Variants in WBP2NL observed in about 807,000 individuals in gnomAD.
The protein encoded by WBP2NL is postacrosomal sheath WW domain-binding protein.
A neutral mutation model predicts 23.3 loss-of-function variants in WBP2NL; 27 were observed. That is an observed-to-expected ratio of 1.16 (90% CI 0.85 to 1.60). WBP2NL has a LOEUF of 1.60. Ranked by LOEUF, WBP2NL falls within the 40% of genes most tolerant of loss-of-function variation. The probability of loss-of-function intolerance (pLI) is 0.00; values close to 1 mark genes in which losing one functional copy is unlikely to be tolerated. For missense variants in WBP2NL, 370 were observed against 389.5 expected, an observed-to-expected ratio of 0.95 and a Z score of 0.42; for synonymous variants, 151 against 145.9, an observed-to-expected ratio of 1.03 and a Z score of -0.25.
chr22:42,044,554 G>C (rs973434348), intron 8 of WBP2NL, among the ~76,000 whole-genome samples: 4 of 152,236 alleles, frequency 2.6e-5, no homozygotes, highest in African/African-American at 9.6e-5. Flanking sequence ...TGTAATCCCA[G>C]CATTTTGGGA....
chr22:42,050,804 A>G (rs1398888630), intron 8 of WBP2NL, among the ~76,000 whole-genome samples: 1 of 152,240 alleles, frequency 6.6e-6, no homozygotes, highest in Non-Finnish European at 1.5e-5. Context: ...AGATACTATT[A>G]TACACCTATT....
chr22:42,020,881 TATATATATATATATATATATATATA>T lies in WBP2NL; in HGVS notation c.406+786_406+810del, dbSNP rs1421707203. ...GTGTGTGTGTGTGTATATATATATA[TATATATATATATATATATATATATA>T]TATTTTTTTTTTTTTTTTTTTTTTT... On this transcript the variant is annotated intron_variant, in intron 4 of 5. Transcript: ENST00000328823. 8.1e-4 allele frequency among the ~76,000 whole-genome samples: 23 copies of T among 28,326 alleles called. 2 individuals are homozygous for T. The highest frequency in any genetic ancestry group is 2.9e-3 in the African/African-American group (15 of 5,230). 18.6% of individuals were successfully genotyped at this position (28,326 alleles called of 152,430 possible).
downstream of WBP2NL, chr22:42,030,985 G>T (rs1000483183): frequency 1.3e-5 from 2 of 152,198 alleles, no homozygotes; most frequent in African/African-American, 2.4e-5. Flanking sequence ...AGGTAGATTT[G>T]AGGTGGGGTC....
chr22:42,011,847 G>A (rs1922851244), intron 1 of WBP2NL, among the ~76,000 whole-genome samples: 1 of 151,542 alleles, frequency 6.6e-6, no homozygotes, highest in Non-Finnish European at 1.5e-5. Flanking sequence ...ATATTGGCTC[G>A]CTGCAACCTT....
intron 1 of WBP2NL, among the ~76,000 whole-genome samples, chr22:42,009,088 G>T (rs777875749): frequency 6.6e-6 from 1 of 152,024 alleles, no homozygotes; most frequent in Admixed American, 6.6e-5. Context: ...CAATTTTTTT[G>T]TATTTTTAGT....
Position 42,028,112 on chromosome 22 carries a change from T to C in WBP2NL, c.*931T>C, listed in dbSNP as rs147875216. 2.5e-6 allele frequency: 1 copy of C among 398,502 alleles called. No individual in the cohort carries two copies. The highest frequency in any genetic ancestry group is 3.6e-5 in the East Asian group (1 of 28,028). The allele number at this position is 398,502 out of a possible 1,614,324, so 24.7% of individuals were successfully genotyped here. A position where few individuals can be genotyped will look rare whatever the true frequency, so the allele number is the denominator to read the frequency against. On this transcript the variant is annotated 3_prime_UTR_variant, in exon 6 of 6. Transcript: ENST00000328823. ...TGGGAAGATTTCATTATATTCATTG[T>C]TTCTAACAGCACAAAATTAGAAATA...
At chr22:42,009,006 C>G (rs1168751585) in intron 1 of WBP2NL, among the ~76,000 whole-genome samples, 2 of 152,098 alleles carry the variant, frequency 1.3e-5, no homozygotes, top group Non-Finnish European at 2.9e-5. Context: ...GTCTCGATCT[C>G]CTGATCTTGT....
intron 1 of WBP2NL, among the ~76,000 whole-genome samples, chr22:42,008,003 T>G (rs1922412141): frequency 1.3e-5 from 2 of 152,146 alleles, no homozygotes; most frequent in African/African-American, 4.8e-5. Flanking sequence ...CAGCTACTCA[T>G]TTTACATTTC....
At chr22:42,054,734 A>G (rs1925969924) in intron 8 of WBP2NL, among the ~76,000 whole-genome samples, 1 of 150,438 alleles carries the variant, frequency 6.6e-6, no homozygotes, top group Admixed American at 6.6e-5. Flanking sequence ...AAAAAAAATC[A>G]ATTAACTGGC....
Position 41,998,899 on chromosome 22 carries a change from G to T in WBP2NL, c.62+19G>T. On this transcript the variant is annotated intron_variant, in intron 1 of 5. Transcript: ENST00000328823. ...GTGAAAGGTGCCTGAGGGGAAGCACGGCGTGCTGTCGGAGGAGAGGAGACG... is the reference window on the plus strand; with the variant it reads ...GTGAAAGGTGCCTGAGGGGAAGCACTGCGTGCTGTCGGAGGAGAGGAGACG... 1 of 1,604,668 alleles carries T rather than the reference G, an allele frequency of 6.2e-7. No individual in the cohort carries two copies. Among genetic ancestry groups the T allele is most frequent in the Non-Finnish European group, 8.5e-7 (1 of 1,173,860 alleles).
At chr22:42,003,896 G>T (rs1412918428) in intron 1 of WBP2NL, among the ~76,000 whole-genome samples, 2 of 152,210 alleles carry the variant, frequency 1.3e-5, no homozygotes, top group African/African-American at 2.4e-5. Flanking sequence ...TTGGGTGGAA[G>T]AATGGTGAAA....
chr22:42,015,649 T>G (rs939843853), intron 1 of WBP2NL, among the ~76,000 whole-genome samples: 9 of 152,116 alleles, frequency 5.9e-5, no homozygotes, highest in African/African-American at 1.9e-4. Context: ...GTGATCTGCC[T>G]GCCTCAGCCT....
chr22:42,019,484 A>G (rs768816398), intron 2 of WBP2NL, 65 bp downstream of exon 2: 17 of 1,572,564 alleles, frequency 1.1e-5, no homozygotes, highest in Non-Finnish European at 1.4e-5. Flanking sequence ...AAATGAAGAA[A>G]ACTTAAACAT....
At chr22:42,012,781 A>G (rs1922941806) in intron 1 of WBP2NL, among the ~76,000 whole-genome samples, 1 of 151,582 alleles carries the variant, frequency 6.6e-6, no homozygotes, top group African/African-American at 2.4e-5. Context: ...TCACGAGGTC[A>G]GAAGATGGAG....
intron 1 of WBP2NL, among the ~76,000 whole-genome samples, chr22:41,999,321 C>A (rs1258609001): frequency 6.6e-6 from 1 of 152,336 alleles, no homozygotes. Flanking sequence ...CCTCCTACTT[C>A]CACGAACAAG....
At position 42,027,475 on chromosome 22, in the gene WBP2NL, C is replaced by T. The variant is rs908737915; in HGVS notation, c.*294C>T. 1.1e-5 allele frequency: 4 copies of T among 368,486 alleles called. No homozygotes were observed. Among genetic ancestry groups the T allele is most frequent in the South Asian group, 8.9e-5 (1 of 11,298 alleles). 22.8% of individuals were successfully genotyped at this position (368,486 alleles called of 1,614,324 possible). On this transcript the variant is annotated 3_prime_UTR_variant, in exon 6 of 6. Coordinates refer to ENST00000328823, the MANE Select transcript of WBP2NL (RefSeq NM_152613.3). ...TTTTAAACATAACTTTTTCCACACT[C>T]GCATTCAAGGTTCCTGTCTTCCCAT...
chr22:42,027,032 G>C lies in WBP2NL; in HGVS notation c.781G>C (p.Ala261Pro). The C allele has an allele frequency of 6.2e-7, 1 of 1,614,108 alleles. No homozygotes were observed. The highest frequency in any genetic ancestry group is 8.5e-7 in the Non-Finnish European group (1 of 1,179,972). ...TGGAGCCCCACCTCTCGGATATGGA[G>C]CCCCACCTGCAGGAAATGAAGGCCC... Reference protein sequence around the residue: ...GYGAPPLGYGAPPAGNEGPPA... With the variant: ...GYGAPPLGYGPPPAGNEGPPA... The change falls in exon 6 of 6, where the codon GCC (alanine) becomes CCC (proline). Residue 261 changes from alanine (A) to proline (P), a missense_variant. By Grantham distance (27) the Ala-to-Pro change is conservative. Coordinates refer to ENST00000328823, the MANE Select transcript of WBP2NL (RefSeq NM_152613.3).
At chr22:42,032,498 G>T (rs1051958155), downstream of WBP2NL, 1 of 247,390 alleles carries the variant, frequency 4.0e-6, no homozygotes, top group African/African-American at 2.3e-5. Flanking sequence ...GTAATAGAAA[G>T]CCTTTGCCTT....
chr22:42,051,681 G>A (rs138852285), intron 8 of WBP2NL, among the ~76,000 whole-genome samples: 108 of 151,710 alleles, frequency 7.1e-4, no homozygotes, highest in Admixed American at 1.5e-3. Context: ...GCTGGGGTCA[G>A]GGGAGGGATG....
Sources: allele counts gnomAD v4.1 joint callset (sites outside exome capture counted in the v4.1 genomes callset), GRCh38; gene constraint gnomAD v4.1.1; transcripts MANE v1.5; gene names NCBI Gene and HGNC (gene_info 2026-07-23, HGNC 2026-07-21).